Variants in ARFGEF3 observed in about 807,000 individuals in gnomAD.
ARFGEF3 encodes the protein ARFGEF family member 3.
A neutral mutation model predicts 221.7 loss-of-function variants in ARFGEF3; 96 were observed. The ratio of observed to expected loss-of-function variants is 0.43; its 90% CI spans 0.37 to 0.51. The LOEUF is 0.51. ARFGEF3 is among the 20% of genes least tolerant of loss of function. The pLI, the probability that ARFGEF3 is intolerant of heterozygous loss-of-function variation, is 0.00. For missense variants in ARFGEF3, 2,410 were observed against 2,789.9 expected (o/e 0.86, Z 3.07); for synonymous variants, 1,145 against 1,126.8 (o/e 1.02, Z -0.32).
At chr6:138,203,107 A>G (rs1048639666) in intron 2 of ARFGEF3, among the ~76,000 whole-genome samples, 3 of 152,136 alleles carry the variant, frequency 2.0e-5, no homozygotes, top group Non-Finnish European at 4.4e-5. Flanking sequence ...GGATTCCCTG[A>G]AATGATAGGC....
At chr6:138,264,261 T>A (rs1057311230) in intron 12 of ARFGEF3, among the ~76,000 whole-genome samples, 2 of 152,124 alleles carry the variant, frequency 1.3e-5, no homozygotes, top group African/African-American at 2.4e-5. Context: ...AGAGTTTTGG[T>A]GGAGGAAGCA....
intron 32 of ARFGEF3, among the ~76,000 whole-genome samples, chr6:138,333,600 G>A (rs181292410): frequency 2.6e-5 from 4 of 152,098 alleles, no homozygotes; most frequent in African/African-American, 9.6e-5. Flanking sequence ...CCGCCACCAT[G>A]CCCGGCTAAT....
Position 138,280,080 on chromosome 6 carries a change from G to A in ARFGEF3, c.2377G>A (p.Val793Met), listed in dbSNP as rs1416949045. ...CTGGATTGAGGAGCTCTACCATCAG[G>A]TGCTCGACAGGAACATGCTTGGAGA... ...QAWIEELYHQ[V>M]LDRNMLGEAG... Residue 793 changes from valine to methionine, a missense_variant, in exon 14 of 34, where the codon GTG (valine) becomes ATG (methionine). Around this residue, in one of 5 missense-constraint regions of ARFGEF3, gnomAD observed 594 missense variants for 734.3 expected, o/e 0.81. Coordinates refer to ENST00000251691, the MANE Select transcript of ARFGEF3 (RefSeq NM_020340.5). The A allele has an allele frequency of 5.6e-6, 9 of 1,613,946 alleles. No individual in the cohort carries two copies. Among genetic ancestry groups the A allele is most frequent in the African/African-American group, 1.3e-5 (1 of 75,046 alleles).
chr6:138,248,552 T>C lies in ARFGEF3; in HGVS notation c.665+2961T>C, dbSNP rs1313278653. On this transcript the variant is annotated intron_variant, in intron 8 of 33. Transcript: ENST00000251691. ...GGAAAAATCTGGAGTTTTTAAGTGC[T>C]AGAAACGTGGGAGAGGCTCATGGTA... is the stretch of plus-strand genomic sequence containing the variant. Among the ~76,000 whole-genome samples, 3 of 152,318 alleles carry C rather than the reference T, an allele frequency of 2.0e-5. No individual in the cohort carries two copies. The East Asian group carries it at 5.8e-4, about 29-fold the overall frequency.
intron 2 of ARFGEF3, among the ~76,000 whole-genome samples, chr6:138,185,723 A>C (rs1268330577): frequency 6.6e-6 from 1 of 152,202 alleles, no homozygotes; most frequent in African/African-American, 2.4e-5. Flanking sequence ...ATGCAGATGC[A>C]TATTAGAGCC....
At chr6:138,267,314 A>C (rs547848221) in intron 12 of ARFGEF3, among the ~76,000 whole-genome samples, 2 of 152,114 alleles carry the variant, frequency 1.3e-5, no homozygotes, top group South Asian at 2.1e-4. Context: ...AATCCCAGTT[A>C]CTCAGGAGGC....
intron 2 of ARFGEF3, among the ~76,000 whole-genome samples, chr6:138,172,030 A>G (rs977696946): frequency 1.3e-5 from 2 of 152,216 alleles, no homozygotes; most frequent in African/African-American, 4.8e-5. Flanking sequence ...TAGATTGAAC[A>G]AAATTTATGT....
rs747544365 is a variant in ARFGEF3, at chr6:138,286,779, G to A, written c.2648G>A (p.Arg883Gln). 1.5e-5 allele frequency: 24 copies of A among 1,613,936 alleles called. No homozygotes were observed. The highest frequency in any genetic ancestry group is 2.2e-5 in the East Asian group (1 of 44,892). Residue 883 changes from arginine to glutamine, a missense_variant, in exon 16 of 34, where the codon CGA becomes CAA. Physicochemically the swap from Arg to Gln is conservative, Grantham distance 43. Coordinates refer to ENST00000251691, the MANE Select transcript of ARFGEF3 (RefSeq NM_020340.5). ...IDTLSTPLTG[R>Q]MAGSSKGLAF... ...ACTTTATCAACCCCACTGACTGGTC[G>A]AATGGCGGGGAGCTCCAAAGGGCTG...
chr6:138,206,567 T>C (rs1777627954), intron 2 of ARFGEF3, among the ~76,000 whole-genome samples: 1 of 152,208 alleles, frequency 6.6e-6, no homozygotes. Context: ...GACAAACTAA[T>C]AGAATTTTGA....
rs538308542 is a variant in ARFGEF3 at position 138,343,201 on chromosome 6, C to T, written c.*6715C>T. ...ATACAGAGAATGATTTAAGAAAAAA[C>T]AAGTCACTTAAAAATCATCACCTAT... On this transcript the variant is annotated 3_prime_UTR_variant, in exon 34 of 34. Transcript: ENST00000251691. The T allele has an allele frequency of 6.6e-6, 1 of 152,200 alleles. No homozygotes were observed. The highest frequency in any genetic ancestry group is 1.5e-5 in the Non-Finnish European group (1 of 67,988). The allele number at this position is 152,200 out of a possible 1,614,324, so 9.4% of individuals were successfully genotyped here.
In ARFGEF3 at chr6:138,323,783, TG is replaced by T. The variant is rs777470984; in HGVS notation, c.4869+13del. 1 of 1,613,014 alleles carries T rather than the reference TG, an allele frequency of 6.2e-7. No individual in the cohort carries two copies. The highest frequency in any genetic ancestry group is 1.1e-5 in the South Asian group (1 of 91,056). ...ACTCAAGCCAGTGAAGGTACATCAC[TG>T]GGAGGAAGCCCTCCCTGGCACAGTT... On this transcript the variant is annotated intron_variant, in intron 30 of 33. Coordinates refer to ENST00000251691, the MANE Select transcript of ARFGEF3 (RefSeq NM_020340.5).
intron 8 of ARFGEF3, among the ~76,000 whole-genome samples, chr6:138,251,430 T>C (rs1421980043): frequency 1.4e-4 from 21 of 152,228 alleles, no homozygotes; most frequent in Admixed American, 1.4e-3. Context: ...CCAGAAGTGA[T>C]TTTTTAAATA....
At chr6:138,286,647 A>T in intron 15 of ARFGEF3, 54 bp from the exon 16 acceptor site, 2 of 1,450,474 alleles carry the variant, frequency 1.4e-6, no homozygotes, top group South Asian at 2.3e-5. Context: ...GATGTCATTC[A>T]TTGCCAGGTT....
At chr6:138,299,601 A>C (rs1779592823) in intron 22 of ARFGEF3, among the ~76,000 whole-genome samples, 1 of 152,234 alleles carries the variant, frequency 6.6e-6, no homozygotes, top group African/African-American at 2.4e-5. Flanking sequence ...GGAAGCCCCA[A>C]AACTGAGTGC....
At chr6:138,277,053 G>A (rs938861064) in intron 12 of ARFGEF3, among the ~76,000 whole-genome samples, 7 of 152,182 alleles carry the variant, frequency 4.6e-5, no homozygotes, top group Admixed American at 1.3e-4. Flanking sequence ...TAAATTTTAA[G>A]TATACAATTC....
intron 2 of ARFGEF3, among the ~76,000 whole-genome samples, chr6:138,174,980 T>C (rs2114437351): frequency 6.6e-6 from 1 of 152,354 alleles, no homozygotes; most frequent in East Asian, 1.9e-4. Context: ...CTCTAAGGAC[T>C]TTTGAATGAT....
chr6:138,286,088 T>C (rs376488348), intron 15 of ARFGEF3, 35 bp downstream of exon 15: 19 of 1,145,112 alleles, frequency 1.7e-5, no homozygotes, highest in Admixed American at 3.4e-5. Context: ...TGAACATCCA[T>C]ACACTGCATG....
intron 4 of ARFGEF3, chr6:138,217,287 TG>T (rs1337988125): frequency 6.6e-6 from 1 of 152,226 alleles, no homozygotes; most frequent in Non-Finnish European, 1.5e-5. Context: ...TTACTCTGGA[TG>T]TTCTATAGAT....
At position 138,336,906 on chromosome 6, in the gene ARFGEF3, T is replaced by G. The variant is rs1441521385; in HGVS notation, c.*420T>G. 6.5e-6 allele frequency: 1 copy of G among 152,708 alleles called. No individual in the cohort carries two copies. Among genetic ancestry groups the G allele is most frequent in the Non-Finnish European group, 1.5e-5 (1 of 68,338 alleles). The allele number at this position is 152,708 out of a possible 1,614,324, so 9.5% of individuals were successfully genotyped here. The stretch of plus-strand genomic sequence containing the variant: ...GGCAATATCTGCTGGTAAGTCAAGC[T>G]GATAAACACTCAGACATCTAGTACC... On this transcript the variant is annotated 3_prime_UTR_variant, in exon 34 of 34. Transcript: ENST00000251691.
Sources: allele counts gnomAD v4.1 joint callset (sites outside exome capture counted in the v4.1 genomes callset), GRCh38; gene constraint gnomAD v4.1.1; regional missense constraint gnomAD v4.1.1; transcripts MANE v1.5; gene names NCBI Gene and HGNC (gene_info 2026-07-23, HGNC 2026-07-21).